KIF14: variants seen among roughly 807,000 people sequenced by gnomAD.
KIF14 encodes kinesin-like protein KIF14.
KIF14 carries 98 observed loss-of-function variants against 176.2 expected under a neutral mutation model. The observed-to-expected ratio is 0.56, with a 90% CI of 0.47 to 0.66. KIF14 has a LOEUF of 0.66. Among genes scored for constraint, KIF14 ranks in the 30% least tolerant of loss-of-function variants. The probability of loss-of-function intolerance (pLI) is 0.00; values close to 1 mark genes in which losing one functional copy is unlikely to be tolerated. For missense variants in KIF14, 1,751 were observed against 1,920.4 expected (o/e 0.91, Z 1.65); for synonymous variants, 566 against 632.2 (o/e 0.90, Z 1.57).
chr1:200,563,194 T>C (rs1486252317), intron 25 of KIF14, among the ~76,000 whole-genome samples: 1 of 152,126 alleles, frequency 6.6e-6, no homozygotes, highest in Non-Finnish European at 1.5e-5. Flanking sequence ...TCAGGAAGTA[T>C]TTGACACAAC....
chr1:200,590,723 A>G (rs1047745054), intron 16 of KIF14, among the ~76,000 whole-genome samples: 3 of 152,216 alleles, frequency 2.0e-5, no homozygotes, highest in Non-Finnish European at 4.4e-5. Flanking sequence ...TGATGGTTGC[A>G]CAACAACGTG....
At chr1:200,580,078 T>C in intron 21 of KIF14, among the ~76,000 whole-genome samples, 176 bp downstream of exon 21, 1 of 152,090 alleles carries the variant, frequency 6.6e-6, no homozygotes, top group East Asian at 1.9e-4. Context: ...TAAATATATA[T>C]AATTGTTAAT....
At chr1:200,579,602 T>C (rs1048734490) in intron 21 of KIF14, among the ~76,000 whole-genome samples, 1 of 137,048 alleles carries the variant, frequency 7.3e-6, no homozygotes, top group Non-Finnish European at 1.7e-5. Flanking sequence ...AGAGTGAAAT[T>C]CCATTTCAAA....
In KIF14 at chr1:200,553,658, A is replaced by C; in HGVS notation, c.4677T>G (p.Tyr1559Ter). ...GGACAATGTGAGTTACTCTACTCTC[A>C]TAGCTGCCAACAGAAGTAGAAGGCA... ...FSVPSTSVGS[Y>*]ESRVTHIVHQ... is the part of the protein sequence containing the mutation. Residue 1559 changes from tyrosine to a stop codon, truncating the protein, a stop_gained, in exon 30 of 30, where the codon TAT (tyrosine) becomes TAG (stop). Coordinates refer to ENST00000367350, the MANE Select transcript of KIF14 (RefSeq NM_014875.3). LOFTEE classifies it low-confidence loss of function (END_TRUNC). 1 of 1,614,128 alleles carries C rather than the reference A, an allele frequency of 6.2e-7. No individual in the cohort carries two copies. The highest frequency in any genetic ancestry group is 8.5e-7 in the Non-Finnish European group (1 of 1,180,004).
intron 6 of KIF14, 58 bp from the exon 7 acceptor site, chr1:200,605,952 T>G (rs950697123): frequency 1.2e-5 from 11 of 951,826 alleles, no homozygotes; most frequent in Non-Finnish European, 1.6e-5. Flanking sequence ...ACTCTTGTTC[T>G]CATAAAACAA....
chr1:200,608,695 G>T, intron 5 of KIF14, 135 bp downstream of exon 5: 2 of 606,814 alleles, frequency 3.3e-6, no homozygotes, highest in Non-Finnish European at 5.9e-6. Context: ...TAATCTAATT[G>T]GACTGTAGAT....
chr1:200,618,214 A>T lies in KIF14; in HGVS notation c.510T>A (p.Ala170=), dbSNP rs781648734. 11 of 1,613,902 alleles carry T rather than the reference A, an allele frequency of 6.8e-6. No homozygotes were observed. The highest frequency in any genetic ancestry group is 8.5e-6 in the Non-Finnish European group (10 of 1,180,028). Residue 170 remains alanine (A), a synonymous_variant, in exon 2 of 30, where the codon GCT becomes GCA. Transcript: ENST00000367350. ...SRTNVRIVNN[A]KNSFVASSVP... is the part of the protein sequence containing the mutation. ...CAGAAGAGGCAACAAAAGAGTTTTT[A>T]GCATTATTTACAATCCTTACATTTG...
rs869174532 is a variant in KIF14, at chr1:200,573,427, C to CTTTTTTTTTTTT, written c.3566+2152_3566+2163dup. ...TTCCCTACACTCAAGGAGCTCATTT[C>CTTTTTTTTTTTT]TTTTTTTTTTTTTTTTTTTTTTTTG... On this transcript the variant is annotated intron_variant, in intron 22 of 29. Coordinates refer to ENST00000367350, the MANE Select transcript of KIF14 (RefSeq NM_014875.3). 1.1e-3 allele frequency among the ~76,000 whole-genome samples: 89 copies of CTTTTTTTTTTTT among 77,740 alleles called. 7 individuals are homozygous for CTTTTTTTTTTTT. Among genetic ancestry groups the CTTTTTTTTTTTT allele is most frequent in the South Asian group, 1.2e-3 (3 of 2,560 alleles). The allele number at this position is 77,740 out of a possible 152,430, so 51.0% of individuals were successfully genotyped here.
chr1:200,593,018 G>A (rs1234003252), intron 15 of KIF14, among the ~76,000 whole-genome samples: 1 of 152,136 alleles, frequency 6.6e-6, no homozygotes, highest in Admixed American at 6.5e-5. Flanking sequence ...TGAAGTGCAA[G>A]ACTTTATGTT....
chr1:200,603,426 T>C (rs1480445379), intron 9 of KIF14, 85 bp from the exon 10 acceptor site: 5 of 694,134 alleles, frequency 7.2e-6, no homozygotes, highest in Non-Finnish European at 7.6e-6. Flanking sequence ...TCCCCTCATA[T>C]AATTACTGAG....
intron 23 of KIF14, among the ~76,000 whole-genome samples, chr1:200,566,155 T>A (rs539959768): frequency 3.3e-5 from 5 of 152,166 alleles, no homozygotes; most frequent in Non-Finnish European, 7.4e-5. Context: ...CTCAACCGCA[T>A]CAATCCATAG....
intron 22 of KIF14, among the ~76,000 whole-genome samples, chr1:200,570,957 G>C (rs566700318): frequency 6.6e-6 from 1 of 152,170 alleles, no homozygotes; most frequent in East Asian, 1.9e-4. Context: ...TCACTTCTTT[G>C]TGTCCATGTG....
Position 200,586,113 on chromosome 1 carries a change from T to G in KIF14, c.3229A>C (p.Lys1077Gln). ...AGCACACACTTACCTGTAAAAGTTT[T>G]ATCCCTATTATTCCGATTCTGCTGT... Reference protein sequence around the residue: ...ILQQNRNNRDKTFTVQTTWSS... With the variant: ...ILQQNRNNRDQTFTVQTTWSS... Residue 1077 changes from lysine to glutamine, a missense_variant, in exon 19 of 30, where the codon AAA (lysine) becomes CAA (glutamine). Lys to Gln is a moderately conservative substitution (Grantham distance 53). Coordinates refer to ENST00000367350, the MANE Select transcript of KIF14 (RefSeq NM_014875.3). 6.4e-7 allele frequency: 1 copy of G among 1,569,522 alleles called. No individual in the cohort carries two copies. Among genetic ancestry groups the G allele is most frequent in the Non-Finnish European group, 8.7e-7 (1 of 1,151,946 alleles).
intron 22 of KIF14, among the ~76,000 whole-genome samples, chr1:200,573,609 C>T (rs1428043215): frequency 1.3e-5 from 2 of 151,870 alleles, no homozygotes; most frequent in African/African-American, 4.8e-5. Context: ...GCAAGGAGCT[C>T]ATTTCTGTGT....
Position 200,586,096 on chromosome 1 carries a change from C to G in KIF14, c.3241+5G>C. The G allele has an allele frequency of 1.3e-6, 2 of 1,529,626 alleles. No individual in the cohort carries two copies. Among genetic ancestry groups the G allele is most frequent in the Non-Finnish European group, 1.8e-6 (2 of 1,127,634 alleles). The allele number at this position is 1,529,626 out of a possible 1,614,324, so 94.8% of individuals were successfully genotyped here. On this transcript the variant is annotated splice_donor_5th_base_variant and intron_variant, in intron 19 of 29. Coordinates refer to ENST00000367350, the MANE Select transcript of KIF14 (RefSeq NM_014875.3). ...AAATGTTTGCTAAAATCAGCACACA[C>G]TTACCTGTAAAAGTTTTATCCCTAT...
In KIF14 at chr1:200,575,616, G is replaced by C; in HGVS notation, c.3541C>G (p.Pro1181Ala). The change falls in exon 22 of 30, where the codon CCA becomes GCA. Residue 1181 changes from proline to alanine, a missense_variant. Transcript: ENST00000367350. Reference sequence around the variant, plus strand: ...CTCCTTCTAGAAAGTGAAGAAACTGGTGCATCTGTAATGTCGGGTTCCCAT... The same window carrying C: ...CTCCTTCTAGAAAGTGAAGAAACTGCTGCATCTGTAATGTCGGGTTCCCAT... ...DEWEPDITDA[P>A]VSSLSRRRSR... is the part of the protein sequence containing the mutation. 2 of 1,583,158 alleles carry C rather than the reference G, an allele frequency of 1.3e-6. No homozygotes were observed. The highest frequency in any genetic ancestry group is 1.2e-5 in the South Asian group (1 of 85,512).
chr1:200,580,587 T>G (rs1658390025), intron 20 of KIF14, among the ~76,000 whole-genome samples: 1 of 152,088 alleles, frequency 6.6e-6, no homozygotes, highest in Non-Finnish European at 1.5e-5. Flanking sequence ...CAAAAATTTC[T>G]AATAAGGTAT....
chr1:200,600,360 G>A lies in KIF14; in HGVS notation c.2296C>T (p.Gln766Ter). 6.2e-7 allele frequency: 1 copy of A among 1,613,326 alleles called. No individual in the cohort carries two copies. Among genetic ancestry groups the A allele is most frequent in the Non-Finnish European group, 8.5e-7 (1 of 1,179,430 alleles). Residue 766 changes from glutamine (Q) to a stop codon, truncating the protein, a stop_gained, in exon 12 of 30, where the codon CAA (glutamine) becomes TAA (stop). Coordinates refer to ENST00000367350, the MANE Select transcript of KIF14 (RefSeq NM_014875.3). LOFTEE classifies it high-confidence loss of function. ...HQQERDMAEM[Q>*]RVWKEKFEQA... ...AGAGTACTGACTGTACTCTACCTTT[G>A]CATTTCTGCCATGTCTCTCTCCTGT... is the stretch of plus-strand genomic sequence containing the variant.
chr1:200,560,585 A>T, intron 26 of KIF14, 137 bp downstream of exon 26: 1 of 985,762 alleles, frequency 1.0e-6, no homozygotes, highest in East Asian at 2.5e-5. Flanking sequence ...ACAGTTTTAA[A>T]TCTTATTGCA....
Sources: gnomAD v4.1 joint callset for allele counts (sites outside exome capture counted in the v4.1 genomes callset) on GRCh38, gnomAD v4.1.1 for gene constraint, MANE v1.5 for transcripts, NCBI Gene and HGNC (gene_info 2026-07-23, HGNC 2026-07-21) for gene names.